Variants in SEZ6 observed in about 807,000 individuals in gnomAD.
SEZ6 encodes the protein seizure protein 6 homolog.
Under a neutral mutation model 101.0 loss-of-function variants are expected in SEZ6, and 53 were observed. The observed-to-expected ratio is 0.52, with a 90% confidence interval of 0.42 to 0.66. The LOEUF is 0.66. Among genes scored for constraint, SEZ6 ranks in the 30% least tolerant of loss-of-function variants. The pLI, the probability that SEZ6 is intolerant of heterozygous loss-of-function variation, is 0.00. For synonymous variants in SEZ6, 488 were observed against 512.2 expected (o/e 0.95, Z 0.64); for missense variants, 1,102 against 1,289.4 (o/e 0.85, Z 2.23).
At position 28,956,746 on chromosome 17, in the gene SEZ6, C is replaced by A. The variant is rs867893199; in HGVS notation, c.2704G>T (p.Gly902Trp). 2 of 1,563,660 alleles carry A rather than the reference C, an allele frequency of 1.3e-6. No homozygotes were observed. Among genetic ancestry groups the A allele is most frequent in the East Asian group, 2.4e-5 (1 of 41,906 alleles). ...PPICRAASLD[G>W]FYNSRSLDVA... Reference sequence around the variant, plus strand: ...TCCAGGCTGCGACTGTTGTAGAACCCATCCAGAGAGGCTGGAACAAAAGGG... The same window carrying A: ...TCCAGGCTGCGACTGTTGTAGAACCAATCCAGAGAGGCTGGAACAAAAGGG... The change falls in exon 14 of 17, where the codon GGG becomes TGG. Residue 902 changes from glycine (G) to tryptophan (W), a missense_variant. Physicochemically the swap from Gly to Trp is radical, Grantham distance 184 (BLOSUM62 -2). Coordinates refer to ENST00000317338, the MANE Select transcript of SEZ6 (RefSeq NM_178860.5).
intron 5 of SEZ6, among the ~76,000 whole-genome samples, chr17:28,963,285 A>C (rs2041015014): frequency 6.6e-6 from 1 of 152,136 alleles, no homozygotes; most frequent in Non-Finnish European, 1.5e-5. Flanking sequence ...AGTTCCCATC[A>C]GTTTCTGGAA....
At chr17:29,000,729 T>G (rs2041604551) in intron 1 of SEZ6, among the ~76,000 whole-genome samples, 3 of 152,082 alleles carry the variant, frequency 2.0e-5, no homozygotes, top group African/African-American at 7.2e-5. Context: ...CCAGATGACA[T>G]GGATTCATCC....
At chr17:29,000,227 C>T (rs1348795511) in intron 1 of SEZ6, among the ~76,000 whole-genome samples, 1 of 152,194 alleles carries the variant, frequency 6.6e-6, no homozygotes, top group Non-Finnish European at 1.5e-5. Flanking sequence ...GTGAAGCTCT[C>T]CCCTATGCCG....
chr17:28,980,711 C>G (rs974168679), intron 2 of SEZ6, among the ~76,000 whole-genome samples: 1 of 151,522 alleles, frequency 6.6e-6, no homozygotes, highest in African/African-American at 2.4e-5. Context: ...ACCATGTTGG[C>G]CAGACTAATC....
chr17:28,964,202 T>G, intron 4 of SEZ6, 55 bp from the exon 5 acceptor site: 15 of 1,452,126 alleles, frequency 1.0e-5, no homozygotes, highest in Admixed American at 2.0e-5. Flanking sequence ...GGGCGGGAGC[T>G]GGGCCATTGG....
At position 28,956,247 on chromosome 17, in the gene SEZ6, C is replaced by T. The variant is rs571116426; in HGVS notation, c.2864G>A (p.Ser955Asn). Residue 955 changes from serine to asparagine, a missense_variant, in exon 16 of 17, where the codon AGC (serine) becomes AAC (asparagine). By Grantham distance (46) the Ser-to-Asn change is conservative. Coordinates refer to ENST00000317338, the MANE Select transcript of SEZ6 (RefSeq NM_178860.5). The part of the protein sequence containing the change: ...YFYFSRLQGK[S>N]SLQLPRPRPR... ...GCGGGGGCGGGGCAGCTGCAGGGAG[C>T]TTTTTCCCTGGAGCCTGTGGGGCAG... is the stretch of plus-strand genomic sequence containing the variant. 4.4e-6 allele frequency: 7 copies of T among 1,598,250 alleles called. No homozygotes were observed. In the African/African-American group the frequency reaches 9.4e-5, roughly 21 times the overall value.
intron 1 of SEZ6, among the ~76,000 whole-genome samples, chr17:28,996,317 A>G (rs1243824594): frequency 2.6e-5 from 4 of 151,942 alleles, no homozygotes; most frequent in Admixed American, 2.0e-4. Flanking sequence ...AGGAGGAATG[A>G]GCTTCTCCTG....
At position 28,982,027 on chromosome 17, in the gene SEZ6, T is replaced by C; in HGVS notation, c.68A>G (p.Glu23Gly). ...LALLAHGLSL[E>G]APTVGKGQAP... is the part of the protein sequence containing the mutation. ...TTGTCCTTTCCCCACGGTTGGGGCC[T>C]CTAAAGAGAGTCCTGAAATAATAAG... The change falls in exon 2 of 17, where the codon GAG becomes GGG. Residue 23 changes from glutamate to glycine, a missense_variant. This residue lies in a region of SEZ6 where 406 missense variants were observed against 418.6 expected (regional missense o/e 0.97). Coordinates refer to ENST00000317338, the MANE Select transcript of SEZ6 (RefSeq NM_178860.5). 1 of 1,595,004 alleles carries C rather than the reference T, an allele frequency of 6.3e-7. No individual in the cohort carries two copies.
intron 1 of SEZ6, among the ~76,000 whole-genome samples, chr17:29,001,199 C>T (rs1245232087): frequency 1.3e-5 from 2 of 152,220 alleles, no homozygotes; most frequent in African/African-American, 2.4e-5. Flanking sequence ...CTTCAAGATT[C>T]GGTCCCAGCT....
chr17:29,003,218 C>T (rs910985366), intron 1 of SEZ6, among the ~76,000 whole-genome samples: 8 of 152,252 alleles, frequency 5.3e-5, no homozygotes, highest in Non-Finnish European at 1.0e-4. Context: ...CACGCAGCCC[C>T]TTCAACACCG....
At chr17:28,989,188 T>C (rs2152691116) in intron 1 of SEZ6, among the ~76,000 whole-genome samples, 1 of 152,284 alleles carries the variant, frequency 6.6e-6, no homozygotes, top group East Asian at 1.9e-4. Context: ...TTCCATATTT[T>C]TGTCAGTAAA....
chr17:28,990,876 A>G (rs575013717), intron 1 of SEZ6, among the ~76,000 whole-genome samples: 104 of 152,298 alleles, frequency 6.8e-4, no homozygotes, highest in African/African-American at 2.5e-3. Context: ...TTTGAGTAGT[A>G]ATAAAACTCT....
rs377285199 is a variant in SEZ6 at position 29,004,945 on chromosome 17, C to A, written c.55+870G>T. Among the ~76,000 whole-genome samples, 28 of 152,314 alleles carry A rather than the reference C, an allele frequency of 1.8e-4. 1 individual carries two copies. The South Asian group carries it at 5.2e-3, about 28-fold the overall frequency. On this transcript the variant is annotated intron_variant, in intron 1 of 16. Transcript: ENST00000317338. ...AAGACCGACGAAGTTGGGGACCAGACTCCTAGAGGGGGCGCGGGGATTCTC... is the reference window on the plus strand; with the variant it reads ...AAGACCGACGAAGTTGGGGACCAGAATCCTAGAGGGGGCGCGGGGATTCTC...
chr17:28,982,743 C>T (rs2041328222), intron 1 of SEZ6, among the ~76,000 whole-genome samples: 1 of 152,144 alleles, frequency 6.6e-6, no homozygotes, highest in African/African-American at 2.4e-5. Flanking sequence ...CAGCCTCAAC[C>T]TCCCAGGTTC....
intron 3 of SEZ6, among the ~76,000 whole-genome samples, chr17:28,974,046 A>T (rs192567124): frequency 9.6e-4 from 146 of 152,246 alleles, no homozygotes; most frequent in African/African-American, 3.3e-3. Context: ...TCTTCTGCCA[A>T]CCTCTAGCTC....
At chr17:28,983,377 A>C (rs1034518448) in intron 1 of SEZ6, among the ~76,000 whole-genome samples, 6 of 152,104 alleles carry the variant, frequency 3.9e-5, no homozygotes, top group Non-Finnish European at 8.8e-5. Flanking sequence ...CCACTCCCTA[A>C]TCCATGGCAG....
At chr17:28,986,864 C>T (rs2041392003) in intron 1 of SEZ6, among the ~76,000 whole-genome samples, 2 of 152,210 alleles carry the variant, frequency 1.3e-5, no homozygotes, top group African/African-American at 4.8e-5. Flanking sequence ...TATACTGTCA[C>T]CCACCGCAGC....
Position 28,957,400 on chromosome 17 carries a change from A to T in SEZ6, c.2442T>A (p.His814Gln), listed in dbSNP as rs1567980927. Residue 814 changes from histidine to glutamine, a missense_variant, in exon 12 of 17, where the codon CAT becomes CAA. Coordinates refer to ENST00000317338, the MANE Select transcript of SEZ6 (RefSeq NM_178860.5). Reference sequence around the variant, plus strand: ...ACTTGGGGCTGCCAGCCTGGCGATCATGGCAGGTGAGGATGGAGCTGCCCA... The same window carrying T: ...ACTTGGGGCTGCCAGCCTGGCGATCTTGGCAGGTGAGGATGGAGCTGCCCA... ...VLMGSSILTC[H>Q]DRQAGSPKWS... is the part of the protein sequence containing the mutation. 6.2e-7 allele frequency: 1 copy of T among 1,613,772 alleles called. No individual in the cohort carries two copies. Among genetic ancestry groups the T allele is most frequent in the Non-Finnish European group, 8.5e-7 (1 of 1,179,710 alleles).
chr17:28,975,732 G>C (rs1310404941), intron 3 of SEZ6, among the ~76,000 whole-genome samples: 1 of 152,200 alleles, frequency 6.6e-6, no homozygotes, highest in African/African-American at 2.4e-5. Flanking sequence ...GGCTTAGAAG[G>C]GCAGGGTATT....
Sources: allele counts gnomAD v4.1 joint callset (sites outside exome capture counted in the v4.1 genomes callset), GRCh38; gene constraint gnomAD v4.1.1; regional missense constraint gnomAD v4.1.1; transcripts MANE v1.5; gene names NCBI Gene and HGNC (gene_info 2026-07-23, HGNC 2026-07-21).